Variants in HELLS observed in about 807,000 individuals in gnomAD.
HELLS encodes lymphoid-specific helicase.
In HELLS, 32 loss-of-function variants were observed where a neutral mutation model predicts 120.0. That is an observed-to-expected ratio of 0.27 (90% CI 0.20 to 0.36). HELLS has a LOEUF of 0.36. Ranked by LOEUF, HELLS falls within the 10% of genes least tolerant of loss-of-function variation. The pLI, the probability that HELLS is intolerant of heterozygous loss-of-function variation, is 1.00. For missense variants in HELLS, 650 were observed against 993.4 expected, an observed-to-expected ratio of 0.65 and a Z score of 4.65; for synonymous variants, 341 against 323.4, an observed-to-expected ratio of 1.05 and a Z score of -0.58.
chr10:94,583,819 A>G (rs1296143460), intron 12 of HELLS, among the ~76,000 whole-genome samples: 1 of 152,134 alleles, frequency 6.6e-6, no homozygotes, highest in African/African-American at 2.4e-5. Flanking sequence ...CTTTTACTAC[A>G]TGTAGATTTA....
Position 94,588,363 on chromosome 10 carries a change from A to G in HELLS, c.1461A>G (p.Thr487=). ...EIFYTAIVNR[T]IANMFGSSEK... ...TTTATACAGCCATTGTGAACCGTACAATTGCAAACATGTTTGGATCCAGTG... is the reference window on the plus strand; with the variant it reads ...TTTATACAGCCATTGTGAACCGTACGATTGCAAACATGTTTGGATCCAGTG... Residue 487 remains threonine (T), a synonymous_variant, in exon 13 of 22, where the codon ACA becomes ACG. Coordinates refer to ENST00000348459, the MANE Select transcript of HELLS (RefSeq NM_018063.5). 1.2e-6 allele frequency: 2 copies of G among 1,606,394 alleles called. No individual in the cohort carries two copies. The highest frequency in any genetic ancestry group is 1.7e-6 in the Non-Finnish European group (2 of 1,176,730).
chr10:94,599,134 A>G (rs907183762), intron 21 of HELLS, among the ~76,000 whole-genome samples: 4 of 152,158 alleles, frequency 2.6e-5, no homozygotes, highest in African/African-American at 7.2e-5. Context: ...GATTATTTGC[A>G]TGTTTATTTG....
At position 94,582,025 on chromosome 10, in the gene HELLS, A is replaced by G. The variant is rs532054109; in HGVS notation, c.1229+503A>G. Among the ~76,000 whole-genome samples, 5 of 152,280 alleles carry G rather than the reference A, an allele frequency of 3.3e-5. No individual in the cohort carries two copies. The East Asian group carries it at 9.6e-4, about 29-fold the overall frequency. On this transcript the variant is annotated intron_variant, in intron 11 of 21. Transcript: ENST00000348459. The stretch of plus-strand genomic sequence containing the variant: ...CTTAGCTTATATAATAAAATCAGAC[A>G]TAAAAGTAGTTTTCAGAAAGTAATT...
exon 9 of HELLS, chr10:94,607,983 C>T (rs1468277869): frequency 5.0e-6 from 2 of 401,772 alleles, no homozygotes; most frequent in Non-Finnish European, 1.0e-5. Flanking sequence ...CCTCGGCCTC[C>T]CAAAGTGCTG....
In HELLS at chr10:94,590,715, A is replaced by G. The variant is rs1199065710; in HGVS notation, c.1706A>G (p.Lys569Arg). Residue 569 changes from lysine to arginine, a missense_variant, in exon 15 of 22, where the codon AAA becomes AGA. By Grantham distance (26) the Lys-to-Arg change is conservative. Around this residue, in one of 9 missense-constraint regions of HELLS, gnomAD observed 191 missense variants for 259.7 expected, o/e 0.74. Transcript: ENST00000348459. ...KLQNIMMLLR[K>R]CCNHPYLIEY... ...CAGAATATAATGATGCTACTTCGTA[A>G]ATGTTGTAATCATCCATATTTGATT... is the stretch of plus-strand genomic sequence containing the variant. 6.2e-7 allele frequency: 1 copy of G among 1,601,888 alleles called. No individual in the cohort carries two copies.
At chr10:94,581,017 A>C (rs994194585) in intron 10 of HELLS, among the ~76,000 whole-genome samples, 4 of 152,192 alleles carry the variant, frequency 2.6e-5, no homozygotes, top group African/African-American at 9.7e-5. Flanking sequence ...ACTTGGGAAA[A>C]TATTAGAAAA....
intron 6 of HELLS, among the ~76,000 whole-genome samples, chr10:94,563,461 C>T (rs902822205): frequency 2.0e-4 from 31 of 151,338 alleles, no homozygotes; most frequent in African/African-American, 7.0e-4. Flanking sequence ...CTTTCGTTTC[C>T]TTCCTTTCTA....
intron 6 of HELLS, among the ~76,000 whole-genome samples, chr10:94,566,913 C>T (rs1843828477): frequency 6.6e-6 from 1 of 152,146 alleles, no homozygotes; most frequent in Non-Finnish European, 1.5e-5. Flanking sequence ...CCTCTGCCTT[C>T]CAAAGTGCTG....
Position 94,592,277 on chromosome 10 carries a change from C to G in HELLS, c.1816C>G (p.Arg606Gly). 1 of 1,611,670 alleles carries G rather than the reference C, an allele frequency of 6.2e-7. No homozygotes were observed. Among genetic ancestry groups the G allele is most frequent in the Non-Finnish European group, 8.5e-7 (1 of 1,178,846 alleles). ...TNSGKFLILDRMLPELKKRGH... is the reference protein window; with the variant it reads ...TNSGKFLILDGMLPELKKRGH... ...TTCTGGGAAGTTCTTGATTTTGGAT[C>G]GAATGCTGCCAGAACTAAAAAAAAG... The change falls in exon 16 of 22, where the codon CGA (arginine) becomes GGA (glycine). Residue 606 changes from arginine (R) to glycine (G), a missense_variant. Arg to Gly is a moderately radical substitution (Grantham distance 125). Transcript: ENST00000348459.
intron 6 of HELLS, among the ~76,000 whole-genome samples, chr10:94,565,492 C>T (rs1488503212): frequency 6.6e-6 from 1 of 152,162 alleles, no homozygotes; most frequent in Non-Finnish European, 1.5e-5. Context: ...GAGTTCGAGG[C>T]CAGCCTGACC....
At chr10:94,590,844 C>CT (rs1564613470) in intron 15 of HELLS, 68 bp downstream of exon 15, 1 of 873,090 alleles carries the variant, frequency 1.1e-6, no homozygotes, top group Non-Finnish European at 1.7e-6. Context: ...GAAAGTGTTA[C>CT]TTTTTTTGAT....
exon 10 of HELLS, chr10:94,613,751 T>C (rs1311116750): frequency 1.3e-5 from 2 of 152,206 alleles, no homozygotes; most frequent in African/African-American, 4.8e-5. Context: ...ATATTAACTT[T>C]TTGGAGTATA....
At chr10:94,559,887 G>A (rs995340568) in intron 4 of HELLS, among the ~76,000 whole-genome samples, 1 of 152,156 alleles carries the variant, frequency 6.6e-6, no homozygotes, top group Non-Finnish European at 1.5e-5. Context: ...TTTCCTAGGG[G>A]CAATAAGTCA....
chr10:94,586,513 G>A (rs1564608814), intron 12 of HELLS, among the ~76,000 whole-genome samples: 2 of 152,170 alleles, frequency 1.3e-5, no homozygotes, highest in African/African-American at 4.8e-5. Flanking sequence ...ACCAACACTG[G>A]TAATGTGTTT....
At chr10:94,595,228 A>C (rs1489747443) in intron 19 of HELLS, among the ~76,000 whole-genome samples, 1 of 94,248 alleles carries the variant, frequency 1.1e-5, no homozygotes, top group Non-Finnish European at 2.4e-5. Context: ...ACTCTGTCTC[A>C]AAAAAAAAAA....
At chr10:94,602,979 CT>C (rs1221105791), downstream of HELLS, among the ~76,000 whole-genome samples, 1 of 152,136 alleles carries the variant, frequency 6.6e-6, no homozygotes, top group East Asian at 1.9e-4. Context: ...CGTCTCATAT[CT>C]CCTCCCTCTC....
intron 17 of HELLS, among the ~76,000 whole-genome samples, chr10:94,593,146 A>G (rs1845574338): frequency 6.6e-6 from 1 of 152,210 alleles, no homozygotes; most frequent in African/African-American, 2.4e-5. Context: ...ATAGAATGTT[A>G]CCATCAGCCC....
chr10:94,589,674 C>G (rs1845366747), intron 13 of HELLS, among the ~76,000 whole-genome samples: 1 of 147,968 alleles, frequency 6.8e-6, no homozygotes, highest in African/African-American at 2.5e-5. Flanking sequence ...ACTCTTCTCC[C>G]CCCGACTTTT....
chr10:94,563,175 A>C (rs1843635219), intron 6 of HELLS, among the ~76,000 whole-genome samples: 1 of 151,242 alleles, frequency 6.6e-6, no homozygotes, highest in South Asian at 2.1e-4. Context: ...TGCTCACTGC[A>C]ACCTCCACCT....
Sources: allele counts gnomAD v4.1 joint callset (sites outside exome capture counted in the v4.1 genomes callset), GRCh38; gene constraint gnomAD v4.1.1; regional missense constraint gnomAD v4.1.1; transcripts MANE v1.5; gene names NCBI Gene and HGNC (gene_info 2026-07-23, HGNC 2026-07-21).